Variants in KIF16B observed in about 807,000 individuals in gnomAD.
KIF16B encodes the protein kinesin family member 16B, also known as kinesin-like protein KIF16B.
In KIF16B, 98 loss-of-function variants were observed where a neutral mutation model predicts 156.3. The ratio of observed to expected loss-of-function variants is 0.63; its 90% CI spans 0.53 to 0.74. The LOEUF is 0.74. Among genes scored for constraint, KIF16B ranks in the 30% least tolerant of loss-of-function variants. The pLI is 0.00. For missense variants in KIF16B, 1,421 were observed against 1,606.5 expected (o/e 0.88, Z 1.97); for synonymous variants, 564 against 583.7 (o/e 0.97, Z 0.49).
intron 17 of KIF16B, among the ~76,000 whole-genome samples, chr20:16,400,054 C>T (rs1389820472): frequency 1.3e-5 from 2 of 152,220 alleles, no homozygotes; most frequent in Non-Finnish European, 2.9e-5. Context: ...TCCTTGGCTA[C>T]AGGCACTCCT....
intron 22 of KIF16B, among the ~76,000 whole-genome samples, chr20:16,363,206 C>G (rs917479827): frequency 3.3e-5 from 5 of 152,138 alleles, no homozygotes; most frequent in African/African-American, 1.2e-4. Context: ...CACGGATGAA[C>G]AGACTCTGCA....
intron 1 of KIF16B, among the ~76,000 whole-genome samples, chr20:16,557,689 T>G (rs2070901766): frequency 6.6e-6 from 1 of 152,126 alleles, no homozygotes; most frequent in African/African-American, 2.4e-5. Flanking sequence ...CCCTGGCACC[T>G]GGTCCTCCAC....
intron 12 of KIF16B, among the ~76,000 whole-genome samples, chr20:16,437,797 G>C (rs2066682700): frequency 6.6e-6 from 1 of 152,060 alleles, no homozygotes; most frequent in African/African-American, 2.4e-5. Flanking sequence ...CGAGCAAGTG[G>C]TGTCTAGTAA....
chr20:16,515,742 C>A, intron 3 of KIF16B, 78 bp from the exon 4 acceptor site: 2 of 768,500 alleles, frequency 2.6e-6, no homozygotes, highest in South Asian at 3.1e-5. Context: ...TGACAATGTT[C>A]TTGAATGATA....
chr20:16,557,964 T>C (rs1409471293), intron 1 of KIF16B, among the ~76,000 whole-genome samples: 1 of 151,796 alleles, frequency 6.6e-6, no homozygotes, highest in Non-Finnish European at 1.5e-5. Flanking sequence ...AACCAGTAAG[T>C]AAGGAAAATA....
Position 16,348,202 on chromosome 20 carries a change from G to A in KIF16B, c.3621+8128C>T, listed in dbSNP as rs537667149. Reference sequence around the variant, plus strand: ...TGAAAACAGGCAAGGATTTGAAAACGACCATTATCTCTAGGGCAATACTAA... The same window carrying A: ...TGAAAACAGGCAAGGATTTGAAAACAACCATTATCTCTAGGGCAATACTAA... On this transcript the variant is annotated intron_variant, in intron 23 of 25. Coordinates refer to ENST00000354981, the MANE Select transcript of KIF16B (RefSeq NM_024704.5). 1.4e-4 allele frequency among the ~76,000 whole-genome samples: 22 copies of A among 152,282 alleles called. No homozygotes were observed. In the South Asian group the frequency reaches 3.1e-3, roughly 22 times the overall value.
At chr20:16,288,791 C>A (rs6135724) in intron 25 of KIF16B, among the ~76,000 whole-genome samples, 1 of 151,560 alleles carries the variant, frequency 6.6e-6, no homozygotes, top group Non-Finnish European at 1.5e-5. Context: ...TAGTATGTAC[C>A]TTAGTAAACA....
At chr20:16,292,980 T>C (rs6043874) in intron 25 of KIF16B, among the ~76,000 whole-genome samples, 2,207 of 152,174 alleles carry the variant, frequency 0.015, 40 homozygotes, top group African/African-American at 0.05. Context: ...AGTTGTTTGA[T>C]TGACAGAGAT....
At chr20:16,498,918 C>T (rs567815612) in intron 10 of KIF16B, among the ~76,000 whole-genome samples, 27 of 140,778 alleles carry the variant, frequency 1.9e-4, no homozygotes, top group African/African-American at 6.2e-4. Context: ...TGATCTTCTT[C>T]GGCACTGTTA....
chr20:16,525,295 G>T (rs2069499496), intron 3 of KIF16B, among the ~76,000 whole-genome samples: 2 of 152,116 alleles, frequency 1.3e-5, no homozygotes, highest in Non-Finnish European at 2.9e-5. Context: ...TTTAACATAT[G>T]GAGACTTAAA....
At chr20:16,288,635 T>C (rs375459325) in intron 25 of KIF16B, among the ~76,000 whole-genome samples, 8 of 143,690 alleles carry the variant, frequency 5.6e-5, no homozygotes, top group Non-Finnish European at 1.3e-4. Context: ...GTATGTACCT[T>C]AGTAAACACA....
intron 15 of KIF16B, among the ~76,000 whole-genome samples, chr20:16,408,109 A>G (rs1401310058): frequency 6.6e-6 from 1 of 152,062 alleles, no homozygotes; most frequent in Non-Finnish European, 1.5e-5. Context: ...CAGCATATCC[A>G]CCTGCCTATT....
chr20:16,400,890 TTTGGC>T (rs1326052705), intron 17 of KIF16B, among the ~76,000 whole-genome samples: 3 of 152,194 alleles, frequency 2.0e-5, no homozygotes, highest in African/African-American at 7.2e-5. Context: ...AGAGTTTTAG[TTTGGC>T]AAGACGAAAC....
intron 1 of KIF16B, among the ~76,000 whole-genome samples, chr20:16,542,798 G>A (rs903821186): frequency 6.6e-6 from 1 of 152,172 alleles, no homozygotes; most frequent in African/African-American, 2.4e-5. Flanking sequence ...CTAAGACTTC[G>A]AAACTTAAAT....
chr20:16,472,193 C>T lies in KIF16B; in HGVS notation c.1302+22098G>A, dbSNP rs1207509974. 2.0e-5 allele frequency among the ~76,000 whole-genome samples: 3 copies of T among 152,206 alleles called. No individual in the cohort carries two copies. In the South Asian group the frequency reaches 6.2e-4, roughly 32 times the overall value. On this transcript the variant is annotated intron_variant, in intron 12 of 25. Coordinates refer to ENST00000354981, the MANE Select transcript of KIF16B (RefSeq NM_024704.5). ...GGTCTTATCTGCATATGCTTTCGTT[C>T]CACCTCCACAGAGATGAGTCATTGT...
chr20:16,483,744 C>T (rs2068041714), intron 12 of KIF16B, among the ~76,000 whole-genome samples: 1 of 152,090 alleles, frequency 6.6e-6, no homozygotes, highest in Admixed American at 6.6e-5. Flanking sequence ...TCCAGAGTAA[C>T]ACACAGGCAA....
At chr20:16,330,353 C>A (rs1034908861) in intron 24 of KIF16B, among the ~76,000 whole-genome samples, 3 of 152,172 alleles carry the variant, frequency 2.0e-5, no homozygotes, top group Non-Finnish European at 2.9e-5. Context: ...GATTAGAAGG[C>A]TTAGCTGAAT....
chr20:16,511,192 C>G (rs1600584287), intron 6 of KIF16B, among the ~76,000 whole-genome samples: 1 of 152,156 alleles, frequency 6.6e-6, no homozygotes, highest in South Asian at 2.1e-4. Context: ...TTCTTAAAGA[C>G]AGAGGAAATC....
chr20:16,434,391 C>T (rs2066587218), intron 12 of KIF16B, among the ~76,000 whole-genome samples: 1 of 152,218 alleles, frequency 6.6e-6, no homozygotes, highest in African/African-American at 2.4e-5. Flanking sequence ...GGGAGTCTAG[C>T]TCTTTTAATC....
Sources: gnomAD v4.1 joint callset for allele counts (sites outside exome capture counted in the v4.1 genomes callset) on GRCh38, gnomAD v4.1.1 for gene constraint, MANE v1.5 for transcripts, NCBI Gene and HGNC (gene_info 2026-07-23, HGNC 2026-07-21) for gene names.